The following MINAR1 variants were observed in gnomAD, a reference collection of about 807,000 sequenced individuals.
MINAR1 encodes membrane integral NOTCH2 associated receptor 1.
MINAR1 carries 40 observed loss-of-function variants against 65.1 expected under a neutral mutation model. That is an observed-to-expected ratio of 0.61 (90% CI 0.48 to 0.80). The LOEUF (loss-of-function observed/expected upper bound fraction) is 0.80, where lower values mean the gene tolerates loss of function less well. MINAR1 is among the 30% of genes least tolerant of loss of function. The pLI is 0.00. For synonymous variants in MINAR1, 482 were observed against 449.1 expected (o/e 1.07, Z -0.93); for missense variants, 1,128 against 1,148.0 (o/e 0.98, Z 0.25).
At chr15:79,451,879 C>T (rs965684597) in intron 1 of MINAR1, among the ~76,000 whole-genome samples, 5 of 152,182 alleles carry the variant, frequency 3.3e-5, no homozygotes, top group African/African-American at 7.2e-5. Flanking sequence ...TTGTTGGCTG[C>T]TTAGCCCCCA....
rs934861234 is a variant in MINAR1, at chr15:79,469,716, G to C, written c.*1332G>C. On this transcript the variant is annotated 3_prime_UTR_variant, in exon 4 of 4. Coordinates refer to ENST00000305428, the MANE Select transcript of MINAR1 (RefSeq NM_015206.3). The stretch of plus-strand genomic sequence containing the variant: ...ATGGTGCTCTGACAATAATGGAACA[G>C]AAAGAATCCTTATCAGCATCTGATT... 1.3e-5 allele frequency: 2 copies of C among 152,566 alleles called. No individual in the cohort carries two copies. The highest frequency in any genetic ancestry group is 4.8e-5 in the African/African-American group (2 of 41,430). 9.5% of individuals were successfully genotyped at this position (152,566 alleles called of 1,614,324 possible). A position where few individuals can be genotyped will look rare whatever the true frequency, so the allele number is the denominator to read the frequency against.
intron 1 of MINAR1, among the ~76,000 whole-genome samples, chr15:79,443,300 A>T (rs1003497766): frequency 1.4e-4 from 21 of 152,220 alleles, no homozygotes; most frequent in Non-Finnish European, 2.2e-4. Context: ...TGGGGTAAGT[A>T]GAATCTGTGC....
the MINAR1 span, chr15:79,416,608 G>A: frequency 2.0e-5 from 3 of 152,192 alleles, no homozygotes; most frequent in African/African-American, 7.2e-5. Flanking sequence ...GGCAAATACA[G>A]GGCTGAGGGG....
In MINAR1 at chr15:79,463,127, T is replaced by G. The variant is rs770711603; in HGVS notation, c.2359T>G (p.Phe787Val). The change falls in exon 3 of 4, where the codon TTC becomes GTC. Residue 787 changes from phenylalanine to valine, a missense_variant. Coordinates refer to ENST00000305428, the MANE Select transcript of MINAR1 (RefSeq NM_015206.3). ...HRLPKQPKDG[F>V]LVEQVFSPHP... ...ACTGCCCAAGCAGCCCAAAGATGGC[T>G]TCCTGGTGGAGCAGGTGTTCAGCCC... 9 of 1,614,100 alleles carry G rather than the reference T, an allele frequency of 5.6e-6. No individual in the cohort carries two copies. Among genetic ancestry groups the G allele is most frequent in the Non-Finnish European group, 7.6e-6 (9 of 1,180,054 alleles).
chr15:79,448,090 C>G (rs964333766), intron 1 of MINAR1, among the ~76,000 whole-genome samples: 1 of 152,208 alleles, frequency 6.6e-6, no homozygotes, highest in Non-Finnish European at 1.5e-5. Flanking sequence ...ATTTAGCTTG[C>G]TCTCGCAAGT....
intron 1 of MINAR1, among the ~76,000 whole-genome samples, chr15:79,453,684 G>T (rs1218875825): frequency 6.6e-6 from 1 of 152,196 alleles, no homozygotes; most frequent in East Asian, 1.9e-4. Context: ...CTGCACGTGT[G>T]TCCATGCACC....
upstream of MINAR1, among the ~76,000 whole-genome samples, chr15:79,430,565 C>G (rs1894413232): frequency 2.0e-5 from 3 of 152,192 alleles, no homozygotes; most frequent in South Asian, 6.2e-4. Flanking sequence ...CCCTTTACTC[C>G]TTAAGCTTAT....
At chr15:79,449,251 T>A (rs7169963) in intron 1 of MINAR1, among the ~76,000 whole-genome samples, 2 of 152,014 alleles carry the variant, frequency 1.3e-5, no homozygotes, top group Admixed American at 6.5e-5. Context: ...CATCTTAACC[T>A]CAGGCTTGCT....
At chr15:79,447,633 G>A (rs1183009078) in intron 1 of MINAR1, among the ~76,000 whole-genome samples, 2 of 152,062 alleles carry the variant, frequency 1.3e-5, no homozygotes, top group African/African-American at 4.8e-5. Context: ...TGATTGTCTT[G>A]AGTACTTTTG....
chr15:79,427,378 A>G (rs1894339475), upstream of MINAR1: 1 of 152,196 alleles, frequency 6.6e-6, no homozygotes, highest in African/African-American at 2.4e-5. Context: ...GAGTTTACCT[A>G]TATAACAAAC....
chr15:79,411,594 C>A, the MINAR1 span: 1 of 677,282 alleles, frequency 1.5e-6, no homozygotes. Flanking sequence ...ACAGAGCTAC[C>A]ATGCACTGGG....
the MINAR1 span, chr15:79,415,143 G>A: frequency 6.6e-6 from 1 of 152,266 alleles, no homozygotes. Flanking sequence ...AAGCCCTACA[G>A]GCCTCCAGGG....
At chr15:79,461,459 C>T (rs1222552676) in intron 2 of MINAR1, among the ~76,000 whole-genome samples, 1 of 152,238 alleles carries the variant, frequency 6.6e-6, no homozygotes, top group East Asian at 1.9e-4. Context: ...ACCATCTCCC[C>T]TTCCTCCCAG....
intron 1 of MINAR1, among the ~76,000 whole-genome samples, chr15:79,449,960 A>G (rs1387972967): frequency 6.6e-6 from 1 of 152,056 alleles, no homozygotes. Context: ...TGCAGATGGC[A>G]CCTTCTCTGT....
the MINAR1 span, chr15:79,416,563 A>T: frequency 6.6e-6 from 1 of 151,790 alleles, no homozygotes; most frequent in Non-Finnish European, 1.5e-5. Context: ...TAGTGTAGAG[A>T]TCTTCAAACA....
intron 1 of MINAR1, among the ~76,000 whole-genome samples, chr15:79,446,436 ATTTC>A (rs1028701190): frequency 3.3e-5 from 5 of 152,002 alleles, no homozygotes; most frequent in African/African-American, 1.2e-4. Flanking sequence ...CTCTGAAACT[ATTTC>A]TTTATCTTTA....
rs147396136 is a variant in MINAR1 at position 79,457,989 on chromosome 15, G to A, written c.1842G>A (p.Ser614=). 21 of 1,613,946 alleles carry A rather than the reference G, an allele frequency of 1.3e-5. No homozygotes were observed. The African/African-American group carries it at 1.9e-4, about 14-fold the overall frequency. ...TTGAACGGAAGCTGGAATCCCTGTC[G>A]GGTGTCCGTGATGAAATCTCCCAGG... ...GEIERKLESL[S]GVRDEISQVL... is the part of the protein sequence containing the mutation. The change falls in exon 2 of 4, where the codon TCG becomes TCA. Residue 614 remains serine, a synonymous_variant. Coordinates refer to ENST00000305428, the MANE Select transcript of MINAR1 (RefSeq NM_015206.3).
At chr15:79,449,714 C>T (rs1895130520) in intron 1 of MINAR1, among the ~76,000 whole-genome samples, 1 of 152,074 alleles carries the variant, frequency 6.6e-6, no homozygotes, top group Non-Finnish European at 1.5e-5. Flanking sequence ...GGTCCTACTT[C>T]TTAAAACTAT....
chr15:79,468,281 A>G lies in MINAR1; in HGVS notation c.2648A>G (p.Glu883Gly), dbSNP rs756609065. Residue 883 changes from glutamate (E) to glycine (G), a missense_variant, in exon 4 of 4, where the codon GAA becomes GGA. Physicochemically the swap from Glu to Gly is moderately conservative, Grantham distance 98 (BLOSUM62 -2). Coordinates refer to ENST00000305428, the MANE Select transcript of MINAR1 (RefSeq NM_015206.3). The part of the protein sequence containing the change: ...YDSLLKRKEA[E>G]FRRAKVCKIA... ...TCATTACTAAAACGTAAAGAAGCCG[A>G]ATTCAGACGAGCCAAGGTCTGCAAG... is the stretch of plus-strand genomic sequence containing the variant. 1.2e-6 allele frequency: 2 copies of G among 1,614,146 alleles called. No homozygotes were observed. The highest frequency in any genetic ancestry group is 1.7e-6 in the Non-Finnish European group (2 of 1,180,018).
Sources: allele counts gnomAD v4.1 joint callset (sites outside exome capture counted in the v4.1 genomes callset), GRCh38; gene constraint gnomAD v4.1.1; transcripts MANE v1.5; gene names NCBI Gene and HGNC (gene_info 2026-07-23, HGNC 2026-07-21).